The following CSMD3 variants were observed in gnomAD, a reference collection of about 807,000 sequenced individuals.
CSMD3 encodes CUB and Sushi multiple domains 3, also known as CUB and sushi domain-containing protein 3.
In CSMD3, 177 loss-of-function variants were observed where a neutral mutation model predicts 435.2. The ratio of observed to expected loss-of-function variants is 0.41; its 90% CI spans 0.36 to 0.46. The LOEUF (loss-of-function observed/expected upper bound fraction) is 0.46, where lower values mean the gene tolerates loss of function less well. Ranked by LOEUF, CSMD3 falls within the 20% of genes least tolerant of loss-of-function variation. The probability of loss-of-function intolerance (pLI) is 0.34; values close to 1 mark genes in which losing one functional copy is unlikely to be tolerated. For synonymous variants in CSMD3, 1,656 were observed against 1,520.5 expected (o/e 1.09, Z -2.07); for missense variants, 4,265 against 4,504.6 (o/e 0.95, Z 1.52).
chr8:113,091,790 C>A (rs1332292701), intron 5 of CSMD3, among the ~76,000 whole-genome samples: 1 of 151,604 alleles, frequency 6.6e-6, no homozygotes, highest in African/African-American at 2.4e-5. Context: ...TTTATTTCTG[C>A]TCTTATCTTT....
At chr8:112,228,077 G>A (rs1191837735) in intron 70 of CSMD3, among the ~76,000 whole-genome samples, 1 of 151,990 alleles carries the variant, frequency 6.6e-6, no homozygotes, top group African/African-American at 2.4e-5. Context: ...TGGAGGAAAG[G>A]CATTTAGGTT....
intron 28 of CSMD3, among the ~76,000 whole-genome samples, chr8:112,515,598 C>T (rs1185427696): frequency 1.3e-5 from 2 of 152,004 alleles, no homozygotes; most frequent in South Asian, 2.1e-4. Context: ...ACATGAAGAA[C>T]AATATGGGTG....
intron 67 of CSMD3, 119 bp downstream of exon 67, chr8:112,237,071 C>T (rs2065591088): frequency 1.7e-6 from 2 of 1,198,166 alleles, no homozygotes; most frequent in Non-Finnish European, 2.4e-6. Flanking sequence ...TGAATGTCAT[C>T]AAAAGCAAAT....
intron 32 of CSMD3, among the ~76,000 whole-genome samples, chr8:112,427,459 T>C (rs1813185912): frequency 6.6e-6 from 1 of 152,126 alleles, no homozygotes; most frequent in Admixed American, 6.6e-5. Context: ...TCTCCTATGC[T>C]GCCACCACGT....
chr8:112,284,812 A>G (rs749562768), intron 58 of CSMD3, among the ~76,000 whole-genome samples: 4 of 151,964 alleles, frequency 2.6e-5, no homozygotes, highest in African/African-American at 9.7e-5. Flanking sequence ...TCAGTTTGAG[A>G]GCAATTTTTG....
intron 1 of CSMD3, among the ~76,000 whole-genome samples, chr8:113,335,024 G>A (rs577237557): frequency 3.8e-4 from 58 of 152,160 alleles, no homozygotes; most frequent in African/African-American, 1.3e-3. Context: ...AATCATATGA[G>A]TGGTTTTTCA....
chr8:112,767,633 T>C (rs1377765022), intron 13 of CSMD3, among the ~76,000 whole-genome samples: 1 of 151,872 alleles, frequency 6.6e-6, no homozygotes, highest in Non-Finnish European at 1.5e-5. Context: ...TCATACCTAC[T>C]AACTGAATTG....
In CSMD3 at chr8:112,550,680, G is replaced by C. The variant is rs2131188360; in HGVS notation, c.4555C>G (p.Gln1519Glu). 6.3e-7 allele frequency: 1 copy of C among 1,590,720 alleles called. No homozygotes were observed. Among genetic ancestry groups the C allele is most frequent in the East Asian group, 2.2e-5 (1 of 44,666 alleles). Residue 1519 changes from glutamine (Q) to glutamate (E), a missense_variant, in exon 27 of 71, where the codon CAG becomes GAG. Coordinates refer to ENST00000297405, the MANE Select transcript of CSMD3 (RefSeq NM_198123.2). ...TTTTGAAAAAACTTACTTGAAAACT[G>C]AATTGCAAATCCAGATTTGCTAATA... ...FYISKSGFAI[Q>E]FSSSVATACR...
At chr8:112,743,951 C>T (rs1405904201) in intron 13 of CSMD3, among the ~76,000 whole-genome samples, 4 of 151,726 alleles carry the variant, frequency 2.6e-5, no homozygotes, top group Non-Finnish European at 4.4e-5. Flanking sequence ...CTGATATAAC[C>T]GCCAGGTAAA....
At chr8:112,234,231 A>C (rs1813360444) in intron 68 of CSMD3, 134 bp downstream of exon 68, 1 of 570,374 alleles carries the variant, frequency 1.8e-6, no homozygotes, top group Non-Finnish European at 3.0e-6. Context: ...TAGAATACTA[A>C]ATATTTATAT....
At chr8:112,682,137 T>A (rs1336445409) in intron 16 of CSMD3, among the ~76,000 whole-genome samples, 1 of 152,082 alleles carries the variant, frequency 6.6e-6, no homozygotes, top group Non-Finnish European at 1.5e-5. Context: ...TAAAGTGTAT[T>A]AAACTATAAC....
chr8:112,410,588 A>ATG (rs1832261116), intron 32 of CSMD3, among the ~76,000 whole-genome samples: 2 of 113,770 alleles, frequency 1.8e-5, no homozygotes, highest in African/African-American at 6.2e-5. Flanking sequence ...ATACATACAT[A>ATG]TGTATATATA....
At chr8:112,286,645 A>G (rs1276044988) in intron 58 of CSMD3, among the ~76,000 whole-genome samples, 1 of 152,126 alleles carries the variant, frequency 6.6e-6, no homozygotes, top group East Asian at 1.9e-4. Context: ...TAATTTATAA[A>G]TAAAACTTTA....
chr8:113,124,049 C>T (rs2091057828), intron 4 of CSMD3, among the ~76,000 whole-genome samples: 2 of 151,990 alleles, frequency 1.3e-5, no homozygotes, highest in South Asian at 4.1e-4. Context: ...AACTGGCCTA[C>T]ATTTTCTCAT....
chr8:112,993,897 A>G (rs2085546399), intron 6 of CSMD3, among the ~76,000 whole-genome samples: 1 of 151,752 alleles, frequency 6.6e-6, no homozygotes, highest in African/African-American at 2.4e-5. Flanking sequence ...TGTAGGAGTT[A>G]TTCACATAGA....
chr8:112,309,745 T>G (rs1200689524), intron 50 of CSMD3, among the ~76,000 whole-genome samples: 1 of 152,142 alleles, frequency 6.6e-6, no homozygotes, highest in East Asian at 1.9e-4. Flanking sequence ...CATTTTGCAT[T>G]TGTTTACATA....
In CSMD3 at chr8:113,054,745, C is replaced by A. The variant is rs188676971; in HGVS notation, c.918-35566G>T. 2.0e-4 allele frequency among the ~76,000 whole-genome samples: 30 copies of A among 152,252 alleles called. No homozygotes were observed. In the East Asian group the frequency reaches 5.6e-3, roughly 28 times the overall value. On this transcript the variant is annotated intron_variant, in intron 5 of 70. Coordinates refer to ENST00000297405, the MANE Select transcript of CSMD3 (RefSeq NM_198123.2). ...AAGTGATACTCCTGGAAAAAACTTT[C>A]TGTACACGCTGTCTTCATTTCCTTG...
intron 2 of CSMD3, chr8:113,311,780 G>A (rs888353896): frequency 4.6e-5 from 7 of 152,032 alleles, no homozygotes; most frequent in African/African-American, 1.7e-4. Flanking sequence ...ATTAACTACA[G>A]TACTTCTTGA....
At chr8:113,317,997 T>C (rs943929442) in intron 1 of CSMD3, among the ~76,000 whole-genome samples, 2 of 152,184 alleles carry the variant, frequency 1.3e-5, no homozygotes, top group Non-Finnish European at 2.9e-5. Context: ...AACTTCATTT[T>C]TATGGTTATA....
Sources: gnomAD v4.1 joint callset for allele counts (sites outside exome capture counted in the v4.1 genomes callset) on GRCh38, gnomAD v4.1.1 for gene constraint, MANE v1.5 for transcripts, NCBI Gene and HGNC (gene_info 2026-07-23, HGNC 2026-07-21) for gene names.